Variants in ZNF718 observed in about 807,000 individuals in gnomAD.
ZNF718 encodes the protein zinc finger protein 718.
ZNF718 carries 3 observed loss-of-function variants against 2.6 expected under a neutral mutation model. The observed-to-expected ratio is 1.16, with a 90% CI of 0.53 to 3.01. The LOEUF is 3.01. ZNF718 is among the 30% of genes most tolerant of loss of function. The probability of loss-of-function intolerance (pLI) is 0.03; values close to 1 mark genes in which losing one functional copy is unlikely to be tolerated. For synonymous variants in ZNF718, 135 were observed against 77.9 expected (o/e 1.73, Z -3.86); for missense variants, 468 against 230.0 (o/e 2.03, Z -6.69).
intron 3 of ZNF718, among the ~76,000 whole-genome samples, chr4:183,038 A>C (rs1458520661): frequency 6.6e-6 from 1 of 152,126 alleles, no homozygotes; most frequent in Non-Finnish European, 1.5e-5. Flanking sequence ...CTTTTCTTGA[A>C]ATGGCTTTTT....
chr4:193,996 C>T (rs184197498), intron 3 of ZNF718, among the ~76,000 whole-genome samples: 9 of 152,276 alleles, frequency 5.9e-5, no homozygotes, highest in South Asian at 2.1e-4. Context: ...ATTTGCCCAG[C>T]CTTTCCCTGT....
rs1164522262 is a variant in ZNF718, at chr4:133,195, A to AAT, written c.226+1723_226+1724dup. ...TCCATCTTAAAAAAAAAAAAAAAAA[A>AAT]ATATATATATATATATATATATATA... On this transcript the variant is annotated intron_variant, in intron 3 of 3. Transcript: ENST00000510175. 9.8e-3 allele frequency among the ~76,000 whole-genome samples: 203 copies of AAT among 20,752 alleles called. 23 individuals are homozygous for AAT. The highest frequency in any genetic ancestry group is 0.015 in the Non-Finnish European group (165 of 11,362). 13.6% of individuals were successfully genotyped at this position (20,752 alleles called of 152,430 possible). A position where few individuals can be genotyped will look rare whatever the true frequency, so the allele number is the denominator to read the frequency against.
intron 3 of ZNF718, among the ~76,000 whole-genome samples, chr4:145,084 A>G (rs1358801918): frequency 1.3e-5 from 2 of 152,190 alleles, no homozygotes. Flanking sequence ...TCATGAGAGT[A>G]GAGCTCTCAT....
intron 3 of ZNF718, among the ~76,000 whole-genome samples, chr4:151,518 T>G (rs1302185817): frequency 2.0e-5 from 3 of 151,738 alleles, no homozygotes; most frequent in Non-Finnish European, 2.9e-5. Flanking sequence ...TTTGCTCTGA[T>G]TGCCCAGGCT....
At chr4:157,967 TG>T (rs58810684) in intron 3 of ZNF718, among the ~76,000 whole-genome samples, 1,938 of 152,306 alleles carry the variant, frequency 0.013, 49 homozygotes, top group African/African-American at 0.044. Context: ...TTGTATATCT[TG>T]GCTTTACTTC....
chr4:193,823 G>A (rs1386927143), intron 3 of ZNF718, among the ~76,000 whole-genome samples: 2 of 152,216 alleles, frequency 1.3e-5, no homozygotes, highest in African/African-American at 4.8e-5. Context: ...CATCTGGTTA[G>A]TGGCTTCTGA....
In ZNF718 at chr4:161,329, C is replaced by T. The variant is rs782044250; in HGVS notation, c.644C>T (p.Thr215Ile). The T allele has an allele frequency of 5.1e-6, 4 of 779,100 alleles. No homozygotes were observed. The highest frequency in any genetic ancestry group is 1.7e-5 in the Admixed American group (1 of 58,676). 48.3% of individuals were successfully genotyped at this position (779,100 alleles called of 1,614,324 possible). Residue 215 changes from threonine (T) to isoleucine (I), a missense_variant, in exon 4 of 4, where the codon ACT becomes ATT. Transcript: ENST00000510175. ...GKAFNWSSIL[T>I]KHKRIHAREK... ...GCCTTTAATTGGTCCTCAATTCTTA[C>T]TAAACATAAGAGAATTCATGCCAGA... is the stretch of plus-strand genomic sequence containing the variant.
intron 3 of ZNF718, among the ~76,000 whole-genome samples, chr4:144,549 C>T (rs782581271): frequency 6.6e-6 from 1 of 152,118 alleles, no homozygotes; most frequent in Non-Finnish European, 1.5e-5. Context: ...TGAAGAATGT[C>T]ATTGATGCTT....
chr4:166,045 C>T (rs1717079390), downstream of ZNF718, among the ~76,000 whole-genome samples: 1 of 152,170 alleles, frequency 6.6e-6, no homozygotes, highest in Admixed American at 6.5e-5. Context: ...GTTCCCCTTC[C>T]TGTGTCCATG....
chr4:125,834 G>A (rs1553807902), intron 1 of ZNF718, among the ~76,000 whole-genome samples: 2 of 152,216 alleles, frequency 1.3e-5, no homozygotes, highest in Non-Finnish European at 2.9e-5. Flanking sequence ...CAGGAATTGT[G>A]CCCATGGCAG....
intron 3 of ZNF718, among the ~76,000 whole-genome samples, chr4:134,515 C>G (rs1553808982): frequency 6.6e-6 from 1 of 152,142 alleles, no homozygotes; most frequent in Non-Finnish European, 1.5e-5. Flanking sequence ...TGAAAAATGA[C>G]ACTAAAATTT....
intron 3 of ZNF718, among the ~76,000 whole-genome samples, chr4:152,096 G>T (rs1716349847): frequency 1.4e-5 from 2 of 147,066 alleles, no homozygotes; most frequent in African/African-American, 5.0e-5. Flanking sequence ...TTACAAAGCA[G>T]TATTGCTGCC....
intron 3 of ZNF718, among the ~76,000 whole-genome samples, chr4:195,830 G>A (rs1019012435): frequency 6.6e-6 from 1 of 152,112 alleles, no homozygotes; most frequent in African/African-American, 2.4e-5. Context: ...GTATTGGAGG[G>A]TTATAGGGTC....
rs1715108932 is a variant in ZNF718 at position 124,623 on chromosome 4, A to G, written c.-48A>G. 1 of 1,603,340 alleles carries G rather than the reference A, an allele frequency of 6.2e-7. No homozygotes were observed. The highest frequency in any genetic ancestry group is 1.3e-5 in the African/African-American group (1 of 74,796). ...CTCTGTGGCTCTGTGACCTGCCGGT[A>G]TTGGATGATTCGTATCTAAGACTCT... On this transcript the variant is annotated 5_prime_UTR_variant, in exon 1 of 4. Transcript: ENST00000510175.
intron 3 of ZNF718, among the ~76,000 whole-genome samples, chr4:159,894 T>C (rs1553814518): frequency 6.6e-6 from 1 of 152,228 alleles, no homozygotes; most frequent in Non-Finnish European, 1.5e-5. Context: ...ATCTTTACAA[T>C]GTTGCCTTGT....
chr4:138,386 G>T (rs1553809732), intron 3 of ZNF718, among the ~76,000 whole-genome samples: 2 of 152,084 alleles, frequency 1.3e-5, no homozygotes, highest in African/African-American at 2.4e-5. Flanking sequence ...TGCAACGTTT[G>T]CCTTCATGTG....
intron 3 of ZNF718, among the ~76,000 whole-genome samples, chr4:156,245 C>T: frequency 1.0e-5 from 1 of 96,072 alleles, no homozygotes; most frequent in African/African-American, 4.1e-5. Context: ...CAATATAAGT[C>T]TCTGTGTTTA....
intron 3 of ZNF718, among the ~76,000 whole-genome samples, chr4:150,638 T>C (rs2108794942): frequency 6.6e-6 from 1 of 152,342 alleles, no homozygotes; most frequent in African/African-American, 2.4e-5. Context: ...CTAGATTTTC[T>C]TTATCATCTG....
chr4:140,625 G>A (rs1488516104), intron 3 of ZNF718, among the ~76,000 whole-genome samples: 1 of 152,150 alleles, frequency 6.6e-6, no homozygotes, highest in South Asian at 2.1e-4. Flanking sequence ...TTGGTTCACA[G>A]CCTTCATTGG....
Sources: allele counts gnomAD v4.1 joint callset (sites outside exome capture counted in the v4.1 genomes callset), GRCh38; gene constraint gnomAD v4.1.1; transcripts MANE v1.5; gene names NCBI Gene and HGNC (gene_info 2026-07-23, HGNC 2026-07-21).